The following CDH8 variants were observed in gnomAD, a reference collection of about 807,000 sequenced individuals.
CDH8 encodes the protein cadherin-8.
Under a neutral mutation model 68.1 loss-of-function variants are expected in CDH8, and 17 were observed. That is an observed-to-expected ratio of 0.25 (90% CI 0.17 to 0.37). CDH8 has a LOEUF of 0.37. Among genes scored for constraint, CDH8 ranks in the 10% least tolerant of loss-of-function variants. The probability of loss-of-function intolerance (pLI) is 1.00; values close to 1 mark genes in which losing one functional copy is unlikely to be tolerated. For synonymous variants in CDH8, 372 were observed against 365.1 expected, an observed-to-expected ratio of 1.02 and a Z score of -0.21; for missense variants, 763 against 999.3, an observed-to-expected ratio of 0.76 and a Z score of 3.19.
chr16:61,842,508 T>C lies in CDH8; in HGVS notation c.667+14611A>G, dbSNP rs117892244. On this transcript the variant is annotated intron_variant, in intron 4 of 11. Coordinates refer to ENST00000577390, the MANE Select transcript of CDH8 (RefSeq NM_001796.5). ...TCTTGGACTTCCCAGCCTCCAGAACTGTGAACAAATAAACTTTTGTTTATT... is the reference window on the plus strand; with the variant it reads ...TCTTGGACTTCCCAGCCTCCAGAACCGTGAACAAATAAACTTTTGTTTATT... 5.6e-3 allele frequency among the ~76,000 whole-genome samples: 856 copies of C among 152,226 alleles called. 5 individuals carry two copies. The highest frequency in any genetic ancestry group is 8.8e-3 in the Non-Finnish European group (598 of 68,024).
At chr16:61,887,930 A>G (rs1963706195) in intron 3 of CDH8, among the ~76,000 whole-genome samples, 2 of 152,190 alleles carry the variant, frequency 1.3e-5, no homozygotes, top group African/African-American at 2.4e-5. Context: ...AGTAAACTGT[A>G]TCTGCTGTGG....
intron 8 of CDH8, among the ~76,000 whole-genome samples, chr16:61,768,291 G>C (rs1401559646): frequency 1.7e-5 from 2 of 116,740 alleles, no homozygotes; most frequent in Non-Finnish European, 3.5e-5. Flanking sequence ...AGCACTTCAG[G>C]CTCTCTCTCT....
intron 1 of CDH8, among the ~76,000 whole-genome samples, chr16:62,034,907 C>A (rs1009734275): frequency 6.6e-6 from 1 of 152,168 alleles, no homozygotes; most frequent in Non-Finnish European, 1.5e-5. Flanking sequence ...ATTTAGCAAC[C>A]CAAGCAAACA....
intron 2 of CDH8, among the ~76,000 whole-genome samples, chr16:61,957,026 G>A (rs987574698): frequency 2.0e-5 from 3 of 152,120 alleles, no homozygotes; most frequent in Non-Finnish European, 4.4e-5. Context: ...GAGTAGATTA[G>A]GTGTTAATGT....
chr16:61,811,558 C>G (rs1247303875), intron 7 of CDH8, among the ~76,000 whole-genome samples: 1 of 151,994 alleles, frequency 6.6e-6, no homozygotes, highest in Non-Finnish European at 1.5e-5. Context: ...GTATTTATCC[C>G]AAAGAATTGA....
intron 2 of CDH8, among the ~76,000 whole-genome samples, chr16:61,909,953 C>T (rs898226027): frequency 1.7e-4 from 26 of 152,238 alleles, no homozygotes; most frequent in African/African-American, 6.3e-4. Context: ...CGGTCTGGAC[C>T]GCAGTTTTAC....
At chr16:61,768,369 C>CTCTCTCTCTCTCTCTCTCTCTCTCT (rs1567461189) in intron 8 of CDH8, among the ~76,000 whole-genome samples, 4 of 23,542 alleles carry the variant, frequency 1.7e-4, no homozygotes, top group Non-Finnish European at 2.3e-4. Context: ...TCTCTCTCTC[C>CTCTCTCTCTCTCTCTCTCTCTCTCT]CTTTCTCTCT....
In CDH8 at chr16:61,842,540, T is replaced by G. The variant is rs952874536; in HGVS notation, c.667+14579A>C. On this transcript the variant is annotated intron_variant, in intron 4 of 11. Coordinates refer to ENST00000577390, the MANE Select transcript of CDH8 (RefSeq NM_001796.5). ...AAATAAACTTTTGTTTATTATAAAT[T>G]ATCCAGTCTGTGGTATTCTGTTATA... Among the ~76,000 whole-genome samples the G allele has an allele frequency of 3.3e-5, 5 of 152,100 alleles. No individual in the cohort carries two copies. The East Asian group carries it at 9.7e-4, about 29-fold the overall frequency.
chr16:61,996,376 T>G (rs1458085056), intron 2 of CDH8, among the ~76,000 whole-genome samples: 1 of 152,176 alleles, frequency 6.6e-6, no homozygotes, highest in Non-Finnish European at 1.5e-5. Context: ...CAACTAAAAA[T>G]TATTCCCAAC....
At chr16:61,945,959 A>G (rs1446433210) in intron 2 of CDH8, among the ~76,000 whole-genome samples, 1 of 152,212 alleles carries the variant, frequency 6.6e-6, no homozygotes, top group Non-Finnish European at 1.5e-5. Flanking sequence ...GCTGAATCAA[A>G]GGATGCTTTG....
intron 2 of CDH8, among the ~76,000 whole-genome samples, chr16:61,925,280 A>C (rs1216075397): frequency 6.6e-6 from 1 of 152,206 alleles, no homozygotes; most frequent in Non-Finnish European, 1.5e-5. Flanking sequence ...ATAAAATAAG[A>C]AGAGCAAACA....
intron 10 of CDH8, among the ~76,000 whole-genome samples, chr16:61,669,417 T>C (rs188160462): frequency 7.9e-5 from 12 of 152,162 alleles, no homozygotes; most frequent in Admixed American, 3.9e-4. Context: ...AACTGTAAGA[T>C]CTTTGGATGC....
chr16:61,954,669 C>T (rs1858659512), intron 2 of CDH8, among the ~76,000 whole-genome samples: 1 of 148,650 alleles, frequency 6.7e-6, no homozygotes, highest in Non-Finnish European at 1.5e-5. Context: ...CCACTGTACT[C>T]CAGCCTGGGC....
intron 7 of CDH8, among the ~76,000 whole-genome samples, chr16:61,810,141 A>G (rs1182470970): frequency 6.6e-6 from 1 of 152,180 alleles, no homozygotes; most frequent in African/African-American, 2.4e-5. Context: ...TAATGAAATA[A>G]ACCCCTTAGT....
In CDH8 at chr16:61,779,464, T is replaced by TGTGTGTGC. The variant is rs796315669; in HGVS notation, c.1414+9881_1414+9882insGCACACAC. 6.3e-3 allele frequency among the ~76,000 whole-genome samples: 890 copies of TGTGTGTGC among 141,486 alleles called. 3 individuals are homozygous for TGTGTGTGC. The highest frequency in any genetic ancestry group is 0.025 in the Admixed American group (307 of 12,524). The allele number at this position is 141,486 out of a possible 152,430, so 92.8% of individuals were successfully genotyped here. ...GTGTGTGTGTGTGTGTGTGTGTGTGTGCGCGCATGGTGAGGGAAACAAGGA... is the reference window on the plus strand; with the variant it reads ...GTGTGTGTGTGTGTGTGTGTGTGTGTGTGTGTGCGCGCGCATGGTGAGGGAAACAAGGA... On this transcript the variant is annotated intron_variant, in intron 8 of 11. Coordinates refer to ENST00000577390, the MANE Select transcript of CDH8 (RefSeq NM_001796.5).
chr16:61,707,246 A>G (rs568436464), intron 10 of CDH8, among the ~76,000 whole-genome samples: 1 of 152,296 alleles, frequency 6.6e-6, no homozygotes, highest in African/African-American at 2.4e-5. Context: ...AGGACAAGGA[A>G]ACTATTTATT....
chr16:61,972,613 T>TGTGTGTGTGTGTG (rs1965360995), intron 2 of CDH8, among the ~76,000 whole-genome samples: 1 of 151,270 alleles, frequency 6.6e-6, no homozygotes, highest in African/African-American at 2.4e-5. Context: ...TGTGTGTGTG[T>TGTGTGTGTGTGTG]TTAATTGGGC....
Position 61,727,136 on chromosome 16 carries a change from G to A in CDH8, c.1494C>T (p.Ser498=), listed in dbSNP as rs374298300. Residue 498 remains serine, a synonymous_variant, in exon 9 of 12, where the codon TCC becomes TCT. Coordinates refer to ENST00000577390, the MANE Select transcript of CDH8 (RefSeq NM_001796.5). ...TTTCACATAAAAATGCCTCATATTC[G>A]GATGCGAATTCAGGGGCGTTGTCAT... is the stretch of plus-strand genomic sequence containing the variant. ...DVNDNAPEFA[S]EYEAFLCENG... is the part of the protein sequence containing the mutation. The A allele has an allele frequency of 2.2e-5, 35 of 1,610,514 alleles. No individual in the cohort carries two copies. The Middle Eastern group carries it at 6.6e-4, about 30-fold the overall frequency.
chr16:61,716,249 T>C (rs1195053019), intron 9 of CDH8, among the ~76,000 whole-genome samples: 1 of 151,648 alleles, frequency 6.6e-6, no homozygotes, highest in African/African-American at 2.4e-5. Context: ...AAATGGCTCA[T>C]ACCTGCTGTT....
Sources: allele counts gnomAD v4.1 joint callset (sites outside exome capture counted in the v4.1 genomes callset), GRCh38; gene constraint gnomAD v4.1.1; transcripts MANE v1.5; gene names NCBI Gene and HGNC (gene_info 2026-07-23, HGNC 2026-07-21).